AFG2B: variants seen among roughly 807,000 people sequenced by gnomAD.
The protein encoded by AFG2B is ATPase family gene 2 protein homolog B.
At chr15:45,410,789 C>T in the AFG2B span, among the ~76,000 whole-genome samples, 7 of 152,134 alleles carry the variant, frequency 4.6e-5, no homozygotes, top group African/African-American at 1.4e-4. Context: ...GGTGTGGTGG[C>T]TTATGTCTAT....
chr15:45,417,422 T>C, the AFG2B span: 5 of 1,611,604 alleles, frequency 3.1e-6, no homozygotes, highest in African/African-American at 4.0e-5. Context: ...ACATTTACTC[T>C]GTGTGAGCTC....
the AFG2B span, among the ~76,000 whole-genome samples, chr15:45,410,845 C>T: frequency 2.6e-5 from 4 of 152,018 alleles, no homozygotes; most frequent in African/African-American, 9.7e-5. Context: ...TGCTTGAGTT[C>T]AGGAGTTCAA....
At chr15:45,417,321 AC>A in the AFG2B span, 4 of 1,614,108 alleles carry the variant, frequency 2.5e-6, no homozygotes, top group Non-Finnish European at 3.4e-6. Flanking sequence ...CAACAAATAG[AC>A]CTGATGTGTT....
the AFG2B span, chr15:45,403,264 G>T: frequency 5.0e-6 from 8 of 1,588,816 alleles, no homozygotes; most frequent in Non-Finnish European, 6.8e-6. Context: ...TGGGGAGACC[G>T]AGGAGAACGT....
chr15:45,402,630 A>G, the AFG2B span: 1 of 1,577,478 alleles, frequency 6.3e-7, no homozygotes, highest in South Asian at 1.1e-5. Context: ...GGCGGGACGG[A>G]GCGGACGGCT....
At chr15:45,417,100 TC>T in the AFG2B span, 1 of 686,166 alleles carries the variant, frequency 1.5e-6, no homozygotes, top group Non-Finnish European at 2.3e-6. Context: ...ATGATTTGTT[TC>T]TGGGATATCT....
chr15:45,418,379 T>A, the AFG2B span, among the ~76,000 whole-genome samples: 1 of 151,810 alleles, frequency 6.6e-6, no homozygotes, highest in Admixed American at 6.6e-5. Context: ...ATAAGTTTTT[T>A]ATGATGTCGT....
the AFG2B span, chr15:45,414,653 C>G: frequency 2.0e-5 from 32 of 1,614,008 alleles, no homozygotes; most frequent in Non-Finnish European, 2.7e-5. Flanking sequence ...CTCTATGGGC[C>G]CCCTGGATGT....
the AFG2B span, chr15:45,421,196 G>A: frequency 1.0e-5 from 16 of 1,600,702 alleles, no homozygotes; most frequent in Admixed American, 3.6e-5. Context: ...ATTTTCTAAC[G>A]TGGAAGGTAT....
the AFG2B span, among the ~76,000 whole-genome samples, chr15:45,415,124 A>G: frequency 1.3e-5 from 2 of 152,152 alleles, no homozygotes; most frequent in Non-Finnish European, 2.9e-5. Flanking sequence ...CTCTTACATA[A>G]TACTCCATTG....
chr15:45,418,142 G>T, the AFG2B span, among the ~76,000 whole-genome samples: 3 of 151,800 alleles, frequency 2.0e-5, no homozygotes, highest in Non-Finnish European at 2.9e-5. Flanking sequence ...TCAGGAGTTC[G>T]AGACTAGCCT....
At chr15:45,410,676 C>G in the AFG2B span, 1 of 787,852 alleles carries the variant, frequency 1.3e-6, no homozygotes, top group South Asian at 2.6e-5. Context: ...GCTTTTCAGT[C>G]CTTATTTAAT....
At chr15:45,406,611 G>A in the AFG2B span, among the ~76,000 whole-genome samples, 2 of 152,098 alleles carry the variant, frequency 1.3e-5, no homozygotes, top group African/African-American at 4.8e-5. Context: ...CCAGTATTTT[G>A]TATATAATAA....
At chr15:45,421,095 A>G in the AFG2B span, 1 of 1,613,710 alleles carries the variant, frequency 6.2e-7, no homozygotes, top group Non-Finnish European at 8.5e-7. Context: ...ACAGTGAAAC[A>G]AGAGCACTTT....
At chr15:45,416,350 A>G in the AFG2B span, among the ~76,000 whole-genome samples, 1 of 152,148 alleles carries the variant, frequency 6.6e-6, no homozygotes, top group African/African-American at 2.4e-5. Context: ...TTGAGGAATG[A>G]GTTTCTTTGG....
the AFG2B span, among the ~76,000 whole-genome samples, chr15:45,420,208 A>G: frequency 6.6e-6 from 1 of 152,196 alleles, no homozygotes; most frequent in African/African-American, 2.4e-5. Context: ...TGAATATTCT[A>G]CATTTGTTTA....
At chr15:45,415,709 TC>T in the AFG2B span, 4 of 1,614,076 alleles carry the variant, frequency 2.5e-6, no homozygotes, top group Non-Finnish European at 3.4e-6. Context: ...TTCTTTCTGT[TC>T]TCCTGAATGA....
the AFG2B span, among the ~76,000 whole-genome samples, chr15:45,406,341 A>G: frequency 6.6e-6 from 1 of 152,088 alleles, no homozygotes; most frequent in African/African-American, 2.4e-5. Context: ...CTGTTCTATC[A>G]CTGGTGAAGT....
the AFG2B span, chr15:45,403,354 T>C: frequency 3.1e-6 from 5 of 1,609,318 alleles, no homozygotes; most frequent in South Asian, 5.5e-5. Context: ...GGACGCCTTG[T>C]GTCCCCAGCG....
Sources: gnomAD v4.1 joint callset for allele counts (sites outside exome capture counted in the v4.1 genomes callset) on GRCh38, gnomAD v4.1.1 for gene constraint, MANE v1.5 for transcripts, NCBI Gene and HGNC (gene_info 2026-07-23, HGNC 2026-07-21) for gene names.